Variants in ADAD1 observed in about 807,000 individuals in gnomAD.
The protein encoded by ADAD1 is adenosine deaminase domain containing 1.
ADAD1 carries 46 observed loss-of-function variants against 66.8 expected under a neutral mutation model. The ratio of observed to expected loss-of-function variants is 0.69; its 90% CI spans 0.54 to 0.88. The LOEUF is 0.88. Ranked by LOEUF, ADAD1 falls within the 40% of genes least tolerant of loss-of-function variation. The pLI is 0.00. For missense variants in ADAD1, 617 were observed against 681.8 expected, an observed-to-expected ratio of 0.91 and a Z score of 1.06; for synonymous variants, 248 against 229.4, an observed-to-expected ratio of 1.08 and a Z score of -0.73.
intron 12 of ADAD1, among the ~76,000 whole-genome samples, chr4:122,428,322 A>G (rs1797350037): frequency 6.6e-6 from 1 of 152,244 alleles, no homozygotes; most frequent in African/African-American, 2.4e-5. Flanking sequence ...TGCTTTTCAA[A>G]ATTCATCATT....
At position 122,421,322 on chromosome 4, in the gene ADAD1, C is replaced by A; in HGVS notation, c.1549C>A (p.Arg517=). The change falls in exon 12 of 13, where the codon CGG becomes AGG. Residue 517 remains arginine, a synonymous_variant. Transcript: ENST00000296513. ...GCTTTGTAAGGCTGCAATGTTAAGTCGGTTTAACCTGCTTGCCAAAGAAGC... is the reference window on the plus strand; with the variant it reads ...GCTTTGTAAGGCTGCAATGTTAAGTAGGTTTAACCTGCTTGCCAAAGAAGC... The part of the protein sequence containing the change: ...SRLCKAAMLS[R]FNLLAKEAKK... 2 of 1,606,180 alleles carry A rather than the reference C, an allele frequency of 1.2e-6. No individual in the cohort carries two copies. Among genetic ancestry groups the A allele is most frequent in the South Asian group, 2.2e-5 (2 of 90,032 alleles).
chr4:122,382,427 A>T (rs1436788698), intron 4 of ADAD1, among the ~76,000 whole-genome samples: 1 of 152,218 alleles, frequency 6.6e-6, no homozygotes, highest in Admixed American at 6.5e-5. Flanking sequence ...ATTCTGACAC[A>T]GAAGACTTAC....
At chr4:122,428,091 T>G (rs1246769136) in intron 12 of ADAD1, among the ~76,000 whole-genome samples, 1 of 148,964 alleles carries the variant, frequency 6.7e-6, no homozygotes, top group African/African-American at 2.5e-5. Context: ...ACAATTAACT[T>G]AGATCTTTAT....
intron 5 of ADAD1, among the ~76,000 whole-genome samples, chr4:122,390,091 G>T (rs1045917110): frequency 2.6e-5 from 4 of 152,158 alleles, no homozygotes; most frequent in Admixed American, 2.0e-4. Context: ...TCTCTGAAAA[G>T]GATTTTATTT....
At chr4:122,415,731 A>G in intron 11 of ADAD1, 115 bp downstream of exon 11, 2 of 933,038 alleles carry the variant, frequency 2.1e-6, no homozygotes, top group Non-Finnish European at 3.2e-6. Flanking sequence ...AACAATAATT[A>G]TTATCATTAG....
chr4:122,416,899 A>T (rs1796761848), intron 11 of ADAD1, among the ~76,000 whole-genome samples: 1 of 152,196 alleles, frequency 6.6e-6, no homozygotes, highest in South Asian at 2.1e-4. Flanking sequence ...ACTCAACTAA[A>T]CACACAGACA....
chr4:122,409,631 TC>T (rs1362653560), intron 8 of ADAD1, among the ~76,000 whole-genome samples: 1 of 152,192 alleles, frequency 6.6e-6, no homozygotes, highest in Non-Finnish European at 1.5e-5. Flanking sequence ...TCATTTTGGT[TC>T]TTTAAACCAT....
At chr4:122,394,289 G>A (rs75395744) in intron 6 of ADAD1, among the ~76,000 whole-genome samples, 3,501 of 152,190 alleles carry the variant, frequency 0.023, 60 homozygotes, top group Middle Eastern at 0.058. Flanking sequence ...CACATTGTAT[G>A]GTAGTTATTA....
chr4:122,406,857 G>A (rs148507238), intron 7 of ADAD1, among the ~76,000 whole-genome samples: 48 of 152,128 alleles, frequency 3.2e-4, no homozygotes, highest in African/African-American at 1.1e-3. Flanking sequence ...CAACTGGTCT[G>A]CATGAGGTAA....
At chr4:122,398,823 AT>A (rs540968981) in intron 7 of ADAD1, among the ~76,000 whole-genome samples, 11,308 of 144,206 alleles carry the variant, frequency 0.078, 444 homozygotes, top group Non-Finnish European at 0.086. Flanking sequence ...TGATGGGATT[AT>A]TTTTTTTTTT....
chr4:122,416,634 G>A (rs1796747655), intron 11 of ADAD1, among the ~76,000 whole-genome samples: 1 of 152,054 alleles, frequency 6.6e-6, no homozygotes. Flanking sequence ...TTGGGAGGCT[G>A]AGACAGGAGG....
intron 7 of ADAD1, among the ~76,000 whole-genome samples, chr4:122,405,717 T>C (rs528368509): frequency 6.6e-6 from 1 of 152,228 alleles, no homozygotes; most frequent in African/African-American, 2.4e-5. Context: ...GTTTGTACCC[T>C]TTGATCAATG....
intron 7 of ADAD1, among the ~76,000 whole-genome samples, chr4:122,400,815 A>T (rs1795938165): frequency 6.6e-6 from 1 of 151,752 alleles, no homozygotes; most frequent in Admixed American, 6.6e-5. Flanking sequence ...ACCTTGAATG[A>T]TCTTTTGTAT....
At chr4:122,394,813 T>G (rs1325094305) in intron 6 of ADAD1, among the ~76,000 whole-genome samples, 1 of 152,122 alleles carries the variant, frequency 6.6e-6, no homozygotes, top group Non-Finnish European at 1.5e-5. Context: ...GGAAAACAGG[T>G]GATAATCTGT....
chr4:122,424,251 A>G (rs1372666300), intron 12 of ADAD1, among the ~76,000 whole-genome samples: 1 of 152,220 alleles, frequency 6.6e-6, no homozygotes, highest in Non-Finnish European at 1.5e-5. Context: ...AAATTATACC[A>G]GATGATAGCA....
chr4:122,401,647 A>G (rs1183217327), intron 7 of ADAD1, among the ~76,000 whole-genome samples: 1 of 152,066 alleles, frequency 6.6e-6, no homozygotes, highest in Non-Finnish European at 1.5e-5. Context: ...CTTAGGTAGT[A>G]GTAATTATTT....
chr4:122,410,335 T>C (rs1329800138), intron 8 of ADAD1, among the ~76,000 whole-genome samples: 1 of 152,170 alleles, frequency 6.6e-6, no homozygotes, highest in Non-Finnish European at 1.5e-5. Flanking sequence ...TTTTACATAC[T>C]GCTGCTTAAT....
chr4:122,412,865 A>G, intron 10 of ADAD1, 56 bp downstream of exon 10: 1 of 1,427,162 alleles, frequency 7.0e-7, no homozygotes, highest in South Asian at 1.2e-5. Context: ...AATTCTCTGT[A>G]TTTTACTTAT....
intron 7 of ADAD1, among the ~76,000 whole-genome samples, chr4:122,402,695 A>G (rs1796034603): frequency 6.6e-6 from 1 of 151,852 alleles, no homozygotes; most frequent in Non-Finnish European, 1.5e-5. Flanking sequence ...ATTTTTTTAT[A>G]TTCTGTTTTC....
Sources: allele counts gnomAD v4.1 joint callset (sites outside exome capture counted in the v4.1 genomes callset), GRCh38; gene constraint gnomAD v4.1.1; transcripts MANE v1.5; gene names NCBI Gene and HGNC (gene_info 2026-07-23, HGNC 2026-07-21).